NEGR1: variants seen among roughly 807,000 people sequenced by gnomAD.
NEGR1 encodes the protein neuronal growth regulator 1.
NEGR1 carries 10 observed loss-of-function variants against 40.9 expected under a neutral mutation model. The ratio of observed to expected loss-of-function variants is 0.24; its 90% CI spans 0.15 to 0.42. The LOEUF (loss-of-function observed/expected upper bound fraction) is 0.42. Ranked by LOEUF, NEGR1 falls within the 10% of genes least tolerant of loss-of-function variation. NEGR1 has a pLI of 1.00. For synonymous variants in NEGR1, 185 were observed against 166.8 expected, an observed-to-expected ratio of 1.11 and a Z score of -0.84; for missense variants, 352 against 438.9, an observed-to-expected ratio of 0.80 and a Z score of 1.77.
At chr1:71,496,965 G>A (rs536354194) in intron 6 of NEGR1, among the ~76,000 whole-genome samples, 3 of 152,206 alleles carry the variant, frequency 2.0e-5, no homozygotes, top group South Asian at 2.1e-4. Context: ...AAAATAATGC[G>A]TTAGGTTTTG....
intron 1 of NEGR1, among the ~76,000 whole-genome samples, chr1:72,045,127 A>C (rs1646989520): frequency 6.6e-6 from 1 of 151,798 alleles, no homozygotes; most frequent in Non-Finnish European, 1.5e-5. Context: ...CTGCATTAGA[A>C]TTTTGCAAGA....
intron 5 of NEGR1, among the ~76,000 whole-genome samples, chr1:71,604,267 A>G (rs886352186): frequency 6.6e-6 from 1 of 152,188 alleles, no homozygotes; most frequent in Non-Finnish European, 1.5e-5. Flanking sequence ...CACCACACAT[A>G]ATAAAGCCTT....
intron 6 of NEGR1, chr1:71,573,577 G>A (rs1286018009): frequency 6.6e-6 from 1 of 152,144 alleles, no homozygotes; most frequent in Non-Finnish European, 1.5e-5. Flanking sequence ...CTTTGATGTG[G>A]CTTCTCTTGT....
At chr1:71,849,625 G>A (rs188660775) in intron 2 of NEGR1, among the ~76,000 whole-genome samples, 2 of 152,240 alleles carry the variant, frequency 1.3e-5, no homozygotes, top group East Asian at 3.9e-4. Flanking sequence ...CTATCAAATA[G>A]CATTGAATAC....
chr1:72,107,734 A>G (rs531439201), intron 1 of NEGR1, among the ~76,000 whole-genome samples: 2 of 151,524 alleles, frequency 1.3e-5, no homozygotes, highest in South Asian at 2.1e-4. Context: ...ATATATGTAC[A>G]TATATATGTA....
At chr1:71,791,271 A>C (rs887720533) in intron 2 of NEGR1, among the ~76,000 whole-genome samples, 1 of 152,054 alleles carries the variant, frequency 6.6e-6, no homozygotes, top group Admixed American at 6.6e-5. Flanking sequence ...CTAAAAGCAA[A>C]AATTTTAAAA....
intron 1 of NEGR1, among the ~76,000 whole-genome samples, chr1:72,017,505 AT>A (rs1646722093): frequency 6.7e-6 from 1 of 150,284 alleles, no homozygotes; most frequent in Non-Finnish European, 1.5e-5. Context: ...GGATAAAAAA[AT>A]AAAAAATTGA....
intron 4 of NEGR1, among the ~76,000 whole-genome samples, chr1:71,658,543 C>A (rs955705826): frequency 6.6e-6 from 1 of 152,004 alleles, no homozygotes; most frequent in African/African-American, 2.4e-5. Context: ...TTTATTACGG[C>A]AAATGGTGTC....
intron 6 of NEGR1, among the ~76,000 whole-genome samples, chr1:71,510,552 C>T (rs979614471): frequency 3.3e-5 from 5 of 152,044 alleles, no homozygotes; most frequent in Non-Finnish European, 7.4e-5. Context: ...GAGGGGTCAG[C>T]CCATAAAAGG....
chr1:71,971,990 A>AG (rs1353004830), intron 1 of NEGR1, among the ~76,000 whole-genome samples: 12 of 152,350 alleles, frequency 7.9e-5, no homozygotes, highest in South Asian at 4.1e-4. Context: ...GGAAAATAAT[A>AG]GAGTAAATGA....
intron 6 of NEGR1, among the ~76,000 whole-genome samples, chr1:71,470,173 G>A: frequency 6.6e-6 from 1 of 152,186 alleles, no homozygotes; most frequent in South Asian, 2.1e-4. Flanking sequence ...TACTCAGAAT[G>A]CATCAGCATC....
At chr1:72,072,740 A>T (rs1177730052) in intron 1 of NEGR1, among the ~76,000 whole-genome samples, 1 of 119,960 alleles carries the variant, frequency 8.3e-6, no homozygotes, top group Non-Finnish European at 1.9e-5. Flanking sequence ...GATTCTCAGC[A>T]CTCCCTGTCC....
intron 3 of NEGR1, among the ~76,000 whole-genome samples, chr1:71,732,091 T>C (rs1305652677): frequency 6.6e-6 from 1 of 152,112 alleles, no homozygotes; most frequent in East Asian, 1.9e-4. Flanking sequence ...ACCGAGGCAG[T>C]GGATCTCTTG....
chr1:71,966,325 G>C (rs1002536627), intron 1 of NEGR1, among the ~76,000 whole-genome samples: 4 of 152,114 alleles, frequency 2.6e-5, no homozygotes, highest in African/African-American at 7.2e-5. Flanking sequence ...CACGTGCTCT[G>C]TCCAAAGCAT....
chr1:72,087,087 T>G (rs2100537497), intron 1 of NEGR1, among the ~76,000 whole-genome samples: 1 of 152,292 alleles, frequency 6.6e-6, no homozygotes, highest in East Asian at 1.9e-4. Flanking sequence ...AGATAAATTC[T>G]AAGGCTCTCC....
intron 1 of NEGR1, among the ~76,000 whole-genome samples, chr1:72,262,719 T>G (rs1655499851): frequency 6.6e-6 from 1 of 151,932 alleles, no homozygotes; most frequent in South Asian, 2.1e-4. Context: ...CATATATGCT[T>G]AATTAGTGGT....
intron 1 of NEGR1, among the ~76,000 whole-genome samples, chr1:72,223,977 C>T (rs1654094977): frequency 6.6e-6 from 1 of 152,144 alleles, no homozygotes; most frequent in East Asian, 1.9e-4. Flanking sequence ...ATTACCAATG[C>T]AGTCCCTCCA....
intron 1 of NEGR1, among the ~76,000 whole-genome samples, chr1:72,247,501 A>G (rs1423394156): frequency 6.6e-6 from 1 of 152,096 alleles, no homozygotes; most frequent in African/African-American, 2.4e-5. Flanking sequence ...ACATCCACAG[A>G]TCTCTAGGGC....
intron 6 of NEGR1, among the ~76,000 whole-genome samples, chr1:71,411,285 A>G (rs988703088): frequency 4.6e-5 from 7 of 152,148 alleles, no homozygotes; most frequent in African/African-American, 1.7e-4. Context: ...TACAGGTCAG[A>G]CTACCTCCCT....
Sources: allele counts gnomAD v4.1 joint callset (sites outside exome capture counted in the v4.1 genomes callset), GRCh38; gene constraint gnomAD v4.1.1; transcripts MANE v1.5; gene names NCBI Gene and HGNC (gene_info 2026-07-23, HGNC 2026-07-21).